Variants in PBX4 observed in about 807,000 individuals in gnomAD.
PBX4 encodes PBX homeobox 4.
In PBX4, 26 loss-of-function variants were observed where a neutral mutation model predicts 35.1. The observed-to-expected ratio is 0.74, with a 90% CI of 0.54 to 1.03. PBX4 has a LOEUF of 1.03. Among genes scored for constraint, PBX4 ranks in the 50% least tolerant of loss-of-function variants. PBX4 has a pLI of 0.00. For synonymous variants in PBX4, 199 were observed against 204.2 expected (o/e 0.97, Z 0.22); for missense variants, 448 against 504.3 (o/e 0.89, Z 1.07).
chr19:19,592,064 G>T (rs1200509963), intron 2 of PBX4, among the ~76,000 whole-genome samples: 2 of 151,920 alleles, frequency 1.3e-5, no homozygotes, highest in African/African-American at 4.8e-5. Flanking sequence ...GGGTGAGGGA[G>T]GTGGGGGGGT....
chr19:19,582,855 C>T (rs985884898), intron 2 of PBX4, among the ~76,000 whole-genome samples: 1 of 152,242 alleles, frequency 6.6e-6, no homozygotes, highest in African/African-American at 2.4e-5. Flanking sequence ...CCACGTTCCC[C>T]CCACCTGTCT....
At chr19:19,589,224 C>T (rs569391995) in intron 2 of PBX4, among the ~76,000 whole-genome samples, 3 of 151,896 alleles carry the variant, frequency 2.0e-5, no homozygotes, top group East Asian at 1.9e-4. Flanking sequence ...GTCAGGAGAT[C>T]GAGACCATCC....
intron 2 of PBX4, chr19:19,588,353 G>T: frequency 7.9e-7 from 1 of 1,266,650 alleles, no homozygotes; most frequent in Non-Finnish European, 1.1e-6. Flanking sequence ...TTTTCACACA[G>T]TCATCTGATG....
chr19:19,591,491 T>C (rs1279685064), intron 2 of PBX4, among the ~76,000 whole-genome samples: 4 of 152,222 alleles, frequency 2.6e-5, no homozygotes, highest in African/African-American at 9.6e-5. Flanking sequence ...GCTCTGTGCG[T>C]TCCTACAGCA....
rs573128112 is a variant in PBX4, at chr19:19,609,890, A to C, written c.119+8621T>G. The stretch of plus-strand genomic sequence containing the variant: ...AAGAAAGAAAAACAAACAGTGAAAA[A>C]CCACCCACTTCCTAGGGTTCTGGGG... On this transcript the variant is annotated intron_variant, in intron 1 of 7. Transcript: ENST00000251203. Among the ~76,000 whole-genome samples, 12 of 152,160 alleles carry C rather than the reference A, an allele frequency of 7.9e-5. No individual in the cohort carries two copies. The South Asian group carries it at 2.5e-3, about 32-fold the overall frequency.
At chr19:19,565,398 G>A (rs1338176124) in intron 5 of PBX4, among the ~76,000 whole-genome samples, 1 of 152,232 alleles carries the variant, frequency 6.6e-6, no homozygotes, top group Non-Finnish European at 1.5e-5. Context: ...GAGGTGGGCC[G>A]GGAGGGACAG....
At chr19:19,605,416 A>AAATAATAATAATAATAATAATAAT (rs34936775) in intron 1 of PBX4, among the ~76,000 whole-genome samples, 21 of 139,366 alleles carry the variant, frequency 1.5e-4, no homozygotes, top group Non-Finnish European at 2.3e-4. Context: ...CTCTGTCTCA[A>AAATAATAATAATAATAATAATAAT]AATAATAATA....
intron 1 of PBX4, among the ~76,000 whole-genome samples, chr19:19,614,439 G>T (rs2061678233): frequency 6.6e-6 from 1 of 152,050 alleles, no homozygotes; most frequent in Non-Finnish European, 1.5e-5. Flanking sequence ...TTTGAGACCA[G>T]CCTGGCCAAC....
At chr19:19,604,569 C>A (rs71332152) in intron 1 of PBX4, among the ~76,000 whole-genome samples, 151,668 of 151,668 alleles carry the variant, frequency 1, 75,834 homozygotes, top group Non-Finnish European at 1. Context: ...ATGAACTTCC[C>A]AAAATCTAAC....
At chr19:19,596,546 G>A (rs147341417) in intron 2 of PBX4, among the ~76,000 whole-genome samples, 2,291 of 152,104 alleles carry the variant, frequency 0.015, 80 homozygotes, top group South Asian at 0.077. Context: ...GTGTCCAAGA[G>A]CAGCAACACC....
intron 2 of PBX4, among the ~76,000 whole-genome samples, chr19:19,578,106 C>T (rs1168550509): frequency 6.6e-6 from 1 of 150,580 alleles, no homozygotes; most frequent in Admixed American, 6.6e-5. Flanking sequence ...AGGAGATCTG[C>T]CTGAACCCAG....
At chr19:19,572,900 G>A (rs1188630824) in intron 2 of PBX4, among the ~76,000 whole-genome samples, 4 of 136,882 alleles carry the variant, frequency 2.9e-5, no homozygotes, top group Non-Finnish European at 6.5e-5. Context: ...AACACTTAGT[G>A]CTAGTTTATT....
intron 2 of PBX4, among the ~76,000 whole-genome samples, chr19:19,574,263 T>C (rs535369346): frequency 2.0e-5 from 3 of 152,374 alleles, no homozygotes; most frequent in Admixed American, 2.0e-4. Context: ...GAGGCTGAAC[T>C]ATATCAGAGT....
chr19:19,581,389 A>G (rs1023285191), intron 2 of PBX4, among the ~76,000 whole-genome samples: 2 of 152,184 alleles, frequency 1.3e-5, no homozygotes, highest in Non-Finnish European at 2.9e-5. Flanking sequence ...CCCCAGTCCC[A>G]GATCCAAACT....
intron 2 of PBX4, among the ~76,000 whole-genome samples, chr19:19,590,811 T>A (rs571873575): frequency 6.6e-6 from 1 of 152,240 alleles, no homozygotes; most frequent in South Asian, 2.1e-4. Flanking sequence ...CAGGTTGTTT[T>A]CAGATTCCTT....
chr19:19,604,605 TA>T (rs1449590784), intron 1 of PBX4, among the ~76,000 whole-genome samples: 27 of 246 alleles, frequency 0.11, no homozygotes, highest in South Asian at 0.42. Flanking sequence ...TCTTTATTTT[TA>T]ATTTTTATTT....
intron 2 of PBX4, among the ~76,000 whole-genome samples, chr19:19,597,086 C>T (rs1178178981): frequency 1.3e-5 from 2 of 151,858 alleles, no homozygotes; most frequent in Non-Finnish European, 2.9e-5. Context: ...TGGTGGCAGG[C>T]GCCTGTAATC....
At chr19:19,593,525 T>A (rs1404174448) in intron 2 of PBX4, among the ~76,000 whole-genome samples, 1 of 152,112 alleles carries the variant, frequency 6.6e-6, no homozygotes, top group Admixed American at 6.6e-5. Flanking sequence ...GGCTGAGGTG[T>A]TCCTGACATC....
intron 1 of PBX4, chr19:19,606,628 G>A (rs2061632976): frequency 6.6e-6 from 1 of 152,302 alleles, no homozygotes; most frequent in Non-Finnish European, 1.5e-5. Flanking sequence ...CTGGAAGCCA[G>A]AGAATGGGGA....
Sources: gnomAD v4.1 joint callset for allele counts (sites outside exome capture counted in the v4.1 genomes callset) on GRCh38, gnomAD v4.1.1 for gene constraint, MANE v1.5 for transcripts, NCBI Gene and HGNC (gene_info 2026-07-23, HGNC 2026-07-21) for gene names.